The following GNE variants were observed in gnomAD, a reference collection of about 807,000 sequenced individuals.
GNE encodes bifunctional UDP-N-acetylglucosamine 2-epimerase/N-acetylmannosamine kinase.
In GNE, 41 loss-of-function variants were observed where a neutral mutation model predicts 61.8. That is an observed-to-expected ratio of 0.66 (90% confidence interval 0.52 to 0.86). GNE has a LOEUF of 0.86. Among genes scored for constraint, GNE ranks in the 40% least tolerant of loss-of-function variants. GNE has a pLI of 0.00. For missense variants in GNE, 608 were observed against 909.1 expected, an observed-to-expected ratio of 0.67 and a Z score of 4.26; for synonymous variants, 264 against 326.4, an observed-to-expected ratio of 0.81 and a Z score of 2.06.
rs116942297 is a variant in GNE at position 36,226,875 on chromosome 9, C to T, written c.1281+373G>A. Among the ~76,000 whole-genome samples the T allele has an allele frequency of 3.2e-3, 487 of 152,246 alleles. 7 individuals are homozygous for T. Among genetic ancestry groups the T allele is most frequent in the Non-Finnish European group, 5.1e-3 (344 of 68,024 alleles). ...AACTGATCACATTCTAGAGAAGAGG[C>T]AGCTCCCTTCACCATTTGCTGATAC... On this transcript the variant is annotated intron_variant, in intron 7 of 11. Coordinates refer to ENST00000642385, the MANE Select transcript of GNE (RefSeq NM_005476.7).
intron 1 of GNE, among the ~76,000 whole-genome samples, chr9:36,251,912 C>T (rs2133135817): frequency 6.6e-6 from 1 of 151,694 alleles, no homozygotes; most frequent in Middle Eastern, 3.4e-3. Flanking sequence ...CACCCAATGG[C>T]AAACACTTAC....
At chr9:36,273,295 C>T (rs2133202214) in intron 1 of GNE, among the ~76,000 whole-genome samples, 1 of 151,006 alleles carries the variant, frequency 6.6e-6, no homozygotes, top group East Asian at 2.0e-4. Context: ...CGGCTCACTG[C>T]AACCTCCGCC....
At chr9:36,262,406 T>G (rs1249696867), upstream of GNE, among the ~76,000 whole-genome samples, 1 of 152,182 alleles carries the variant, frequency 6.6e-6, no homozygotes, top group Non-Finnish European at 1.5e-5. Flanking sequence ...TTAGGAGGCA[T>G]TTTCTCTTGG....
intron 3 of GNE, among the ~76,000 whole-genome samples, chr9:36,242,216 A>T (rs1829660274): frequency 6.6e-6 from 1 of 151,782 alleles, no homozygotes. Context: ...TTTATATAAA[A>T]TGTATTACTG....
chr9:36,237,963 C>T (rs1202387589), intron 3 of GNE, among the ~76,000 whole-genome samples: 1 of 152,122 alleles, frequency 6.6e-6, no homozygotes, highest in Non-Finnish European at 1.5e-5. Context: ...TGTCCAGTCT[C>T]ATCTAGGTCA....
At chr9:36,236,208 T>A (rs1321438545) in intron 4 of GNE, among the ~76,000 whole-genome samples, 1 of 149,616 alleles carries the variant, frequency 6.7e-6, no homozygotes, top group Non-Finnish European at 1.5e-5. Flanking sequence ...CACTTCAACT[T>A]TTTTTTTTTT....
chr9:36,232,112 A>G (rs898043705), intron 5 of GNE, among the ~76,000 whole-genome samples: 4 of 152,096 alleles, frequency 2.6e-5, no homozygotes, highest in Admixed American at 2.6e-4. Flanking sequence ...TTATATTTAC[A>G]TCTTCTTCCC....
At chr9:36,264,024 G>A (rs1830689869) in intron 1 of GNE, among the ~76,000 whole-genome samples, 1 of 152,202 alleles carries the variant, frequency 6.6e-6, no homozygotes, top group Non-Finnish European at 1.5e-5. Context: ...AGGTAGCACA[G>A]GGAGGCCATA....
At chr9:36,231,087 AAG>A (rs1382590383) in intron 5 of GNE, among the ~76,000 whole-genome samples, 6,395 of 137,416 alleles carry the variant, frequency 0.047, 193 homozygotes, top group Non-Finnish European at 0.077. Flanking sequence ...AAAAAAAAGA[AAG>A]AAAGAGAGAG....
At chr9:36,228,348 C>T (rs996558520) in intron 6 of GNE, among the ~76,000 whole-genome samples, 15 of 151,524 alleles carry the variant, frequency 9.9e-5, no homozygotes, top group Admixed American at 2.6e-4. Context: ...GAAATCTCAT[C>T]GATTTGAAAC....
intron 2 of GNE, among the ~76,000 whole-genome samples, chr9:36,248,952 A>T (rs1216051845): frequency 6.6e-6 from 1 of 152,242 alleles, no homozygotes; most frequent in Non-Finnish European, 1.5e-5. Context: ...ACTAAGCGGC[A>T]TCATTGTGAT....
chr9:36,217,514 G>C lies in GNE; in HGVS notation c.2020C>G (p.His674Asp). ...LVILSGVLAS[H>D]YIHIVKDVIR... is the part of the protein sequence containing the mutation. ...ACGTCTTTGACAATGTGGATATAGTGACTGGCCAGGACTCCGGAGAGGATC... is the reference window on the plus strand; with the variant it reads ...ACGTCTTTGACAATGTGGATATAGTCACTGGCCAGGACTCCGGAGAGGATC... The change falls in exon 12 of 12, where the codon CAC (histidine) becomes GAC (aspartate). Residue 674 changes from histidine (H) to aspartate (D), a missense_variant. His to Asp is a moderately conservative substitution (Grantham distance 81, BLOSUM62 -1). Transcript: ENST00000642385. 3 of 1,613,952 alleles carry C rather than the reference G, an allele frequency of 1.9e-6. No homozygotes were observed. Among genetic ancestry groups the C allele is most frequent in the Non-Finnish European group, 2.5e-6 (3 of 1,179,820 alleles).
At chr9:36,223,622 T>C in intron 7 of GNE, 120 bp from the exon 8 acceptor site, 1 of 1,037,400 alleles carries the variant, frequency 9.6e-7, no homozygotes, top group Non-Finnish European at 1.5e-6. Context: ...CAGTCTTAGA[T>C]GACTGCTTGG....
intron 3 of GNE, among the ~76,000 whole-genome samples, chr9:36,238,252 C>A (rs995729213): frequency 4.6e-5 from 7 of 152,112 alleles, no homozygotes; most frequent in African/African-American, 1.7e-4. Context: ...CATGCGTGTG[C>A]AAGTATCTTT....
chr9:36,218,424 T>G lies in GNE; in HGVS notation c.1817-125A>C, dbSNP rs1216370122. The G allele has an allele frequency of 1.4e-6, 1 of 731,610 alleles. No individual in the cohort carries two copies. Among genetic ancestry groups the G allele is most frequent in the Non-Finnish European group, 2.5e-6 (1 of 406,638 alleles). The allele number at this position is 731,610 out of a possible 1,614,324, so 45.3% of individuals were successfully genotyped here. A position where few individuals can be genotyped will look rare whatever the true frequency, so the allele number is the denominator to read the frequency against. ...TGTTTTCTTTTCACAATTGCAAAGCTTATCGTTCACAAACATCTCTATACA... is the reference window on the plus strand; with the variant it reads ...TGTTTTCTTTTCACAATTGCAAAGCGTATCGTTCACAAACATCTCTATACA... On this transcript the variant is annotated intron_variant, in intron 10 of 11. Transcript: ENST00000642385. The surrounding 1 kb of genome is among the most constrained non-coding windows in gnomAD (Gnocchi z 4.1).
intron 7 of GNE, among the ~76,000 whole-genome samples, chr9:36,224,319 A>T (rs1828756435): frequency 6.6e-6 from 1 of 151,982 alleles, no homozygotes; most frequent in Non-Finnish European, 1.5e-5. Context: ...CTGTAGTCCC[A>T]ACTACTTGGG....
chr9:36,247,218 A>C (rs1269034065), intron 2 of GNE, among the ~76,000 whole-genome samples: 4 of 151,730 alleles, frequency 2.6e-5, no homozygotes, highest in Admixed American at 1.3e-4. Context: ...CATCACGCCC[A>C]GCTAATTTTT....
chr9:36,242,671 G>A (rs1485305674), intron 3 of GNE, among the ~76,000 whole-genome samples: 1 of 151,102 alleles, frequency 6.6e-6, no homozygotes, highest in Non-Finnish European at 1.5e-5. Context: ...GCCCGCCGTG[G>A]CCTCCCAAAG....
intron 1 of GNE, among the ~76,000 whole-genome samples, chr9:36,264,001 A>C (rs1466177858): frequency 6.6e-6 from 1 of 152,250 alleles, no homozygotes; most frequent in African/African-American, 2.4e-5. Context: ...ACATAGTCAC[A>C]GATAGCTGTG....
Sources: allele counts gnomAD v4.1 joint callset (sites outside exome capture counted in the v4.1 genomes callset), GRCh38; gene constraint gnomAD v4.1.1; non-coding constraint Gnocchi (gnomAD v3.1); transcripts MANE v1.5; gene names NCBI Gene and HGNC (gene_info 2026-07-23, HGNC 2026-07-21).